Variants in GNAS-AS1 observed in about 807,000 individuals in gnomAD.
The protein encoded by GNAS-AS1 is GNAS antisense RNA 1, also known as GNAS antisense RNA 1 (non-protein coding).
intron 4 of GNAS-AS1, chr20:58,834,092 G>A (rs930185871): frequency 9.2e-5 from 14 of 152,160 alleles, no homozygotes; most frequent in African/African-American, 3.1e-4. Flanking sequence ...TCTCCCCTCC[G>A]GGCTCGAGGC....
chr20:58,830,402 GCCACAC>G (rs1568900254), intron 4 of GNAS-AS1, among the ~76,000 whole-genome samples: 5 of 17,812 alleles, frequency 2.8e-4, no homozygotes, highest in South Asian at 1.8e-3. Context: ...CACCATCACT[GCCACAC>G]CACCATCACC....
At chr20:58,824,412 AG>A (rs2085506582) in intron 4 of GNAS-AS1, among the ~76,000 whole-genome samples, 1 of 152,196 alleles carries the variant, frequency 6.6e-6, no homozygotes, top group African/African-American at 2.4e-5. Flanking sequence ...TAATTTGTAT[AG>A]AAAGAAGAAA....
Position 58,841,409 on chromosome 20 carries a change from T to C in GNAS-AS1, n.819+528A>G. 1.0e-6 allele frequency: 1 copy of C among 995,938 alleles called. No homozygotes were observed. The highest frequency in any genetic ancestry group is 1.2e-6 in the Non-Finnish European group (1 of 836,364). 61.7% of individuals were successfully genotyped at this position (995,938 alleles called of 1,614,324 possible). A position where few individuals can be genotyped will look rare whatever the true frequency, so the allele number is the denominator to read the frequency against. ...AATCTGAATGGGAATGGGCGAGAAC[T>C]CTAGAGACTGACCACCCGGGAGGGA... On this transcript the variant is annotated intron_variant and non_coding_transcript_variant, in intron 4 of 4. Coordinates refer to ENST00000424094, the Ensembl canonical transcript of GNAS-AS1. This position sits in a 1 kb window ranked among gnomAD's most constrained non-coding sequence, Gnocchi z 5.0.
intron 4 of GNAS-AS1, among the ~76,000 whole-genome samples, chr20:58,822,852 G>A (rs1006640569): frequency 3.3e-5 from 5 of 152,088 alleles, no homozygotes; most frequent in African/African-American, 1.2e-4. Flanking sequence ...TGCCACAACA[G>A]GGCCCTGAAC....
At chr20:58,842,441 G>A (rs940438789) in exon 3 of GNAS-AS1, 6 of 398,494 alleles carry the variant, frequency 1.5e-5, no homozygotes, top group Admixed American at 1.3e-4. Context: ...ACCTTAAATG[G>A]TCTTCCTTCC....
Position 58,841,553 on chromosome 20 carries a change from C to A in GNAS-AS1, n.819+384G>T, listed in dbSNP as rs2085728724. On this transcript the variant is annotated intron_variant and non_coding_transcript_variant, in intron 4 of 4. Coordinates refer to ENST00000424094, the Ensembl canonical transcript of GNAS-AS1. This position sits in a 1 kb window ranked among gnomAD's most constrained non-coding sequence, Gnocchi z 5.0. ...AGCTGCCGTGCGCCAGCCTTGGCCG[C>A]CACAGCCCGCCTCCCGTCGCTCGCG... is the stretch of plus-strand genomic sequence containing the variant. The A allele has an allele frequency of 1.0e-6, 1 of 997,398 alleles. No individual in the cohort carries two copies. The highest frequency in any genetic ancestry group is 1.2e-6 in the Non-Finnish European group (1 of 838,398). 61.8% of individuals were successfully genotyped at this position (997,398 alleles called of 1,614,324 possible).
chr20:58,841,690 A>C lies in GNAS-AS1; in HGVS notation n.819+247T>G. 8.4e-7 allele frequency: 1 copy of C among 1,195,386 alleles called. No individual in the cohort carries two copies. Among genetic ancestry groups the C allele is most frequent in the Non-Finnish European group, 1.0e-6 (1 of 964,740 alleles). The allele number at this position is 1,195,386 out of a possible 1,614,324, so 74.0% of individuals were successfully genotyped here. ...ACCTGGGGGAAAGGTAGAGGAGGTA[A>C]GGGGACCCTTGGGGATGCCCCTACG... On this transcript the variant is annotated intron_variant and non_coding_transcript_variant, in intron 4 of 4. Coordinates refer to ENST00000424094, the Ensembl canonical transcript of GNAS-AS1. This position sits in a 1 kb window ranked among gnomAD's most constrained non-coding sequence, Gnocchi z 5.0.
At chr20:58,842,254 A>G (rs2085766909) in intron 3 of GNAS-AS1, 2 of 398,298 alleles carry the variant, frequency 5.0e-6, no homozygotes, top group African/African-American at 2.1e-5. Flanking sequence ...GTCTTTAAAA[A>G]ATCTCATCCG....
At chr20:58,847,843 T>C (rs1314434303) in intron 2 of GNAS-AS1, among the ~76,000 whole-genome samples, 1 of 152,226 alleles carries the variant, frequency 6.6e-6, no homozygotes, top group Non-Finnish European at 1.5e-5. Flanking sequence ...ACTTGAGATA[T>C]GCCTTATGCT....
At position 58,829,813 on chromosome 20, in the gene GNAS-AS1, T is replaced by C. The variant is rs1337829793; in HGVS notation, n.820-10558A>G. 2.6e-5 allele frequency among the ~76,000 whole-genome samples: 4 copies of C among 152,298 alleles called. No individual in the cohort carries two copies. In the East Asian group the frequency reaches 7.7e-4, roughly 29 times the overall value. ...ACAAAAGAACATCTTTCTTTTCCAG[T>C]GCCCTTAGCTTAGGTTATAAGGAGA... On this transcript the variant is annotated intron_variant and non_coding_transcript_variant, in intron 4 of 4. Transcript: ENST00000424094.
intron 4 of GNAS-AS1, chr20:58,838,859 G>C: frequency 2.6e-6 from 1 of 386,340 alleles, no homozygotes; most frequent in Non-Finnish European, 4.5e-6. Flanking sequence ...AGAGGTTGCA[G>C]TGACCCAAGA....
intron 3 of GNAS-AS1, chr20:58,842,283 T>G (rs1485088528): frequency 2.5e-6 from 1 of 397,962 alleles, no homozygotes; most frequent in East Asian, 3.6e-5. Context: ...ATTGATTTTT[T>G]TTTTCCTGGT....
intron 4 of GNAS-AS1, among the ~76,000 whole-genome samples, chr20:58,821,158 TA>T (rs1183079587): frequency 6.6e-6 from 1 of 152,196 alleles, no homozygotes; most frequent in African/African-American, 2.4e-5. Flanking sequence ...CCTCCTCAGC[TA>T]CCCCAGCTCC....
intron 4 of GNAS-AS1, among the ~76,000 whole-genome samples, chr20:58,828,021 G>T (rs2085531924): frequency 6.6e-6 from 1 of 152,168 alleles, no homozygotes; most frequent in African/African-American, 2.4e-5. Context: ...CTTGAAAAAG[G>T]ATCTCGAGAA....
In GNAS-AS1 at chr20:58,840,637, C is replaced by G. The variant is rs756503903; in HGVS notation, n.819+1300G>C. 4 of 1,606,080 alleles carry G rather than the reference C, an allele frequency of 2.5e-6. No homozygotes were observed. Among genetic ancestry groups the G allele is most frequent in the Non-Finnish European group, 3.4e-6 (4 of 1,178,114 alleles). ...GAAGCCCCGACGCCTCCCCAAGTCGCGCGCCGCCCAGCACTCAGGAGCCCC... is the reference window on the plus strand; with the variant it reads ...GAAGCCCCGACGCCTCCCCAAGTCGGGCGCCGCCCAGCACTCAGGAGCCCC... On this transcript the variant is annotated intron_variant and non_coding_transcript_variant, in intron 4 of 4. Transcript: ENST00000424094. The surrounding 1 kb of genome is among the most constrained non-coding windows in gnomAD (Gnocchi z 6.0).
Position 58,841,964 on chromosome 20 carries a change from G to T in GNAS-AS1, n.792C>A. ...TTCGTTTCCAAAGAGCGCGGTACGC[G>T]CAGAGCTGGGGAAAGGTGTTGGATC... On this transcript the variant is annotated non_coding_transcript_exon_variant, in exon 4 of 5. Transcript: ENST00000424094. The surrounding 1 kb of genome is among the most constrained non-coding windows in gnomAD (Gnocchi z 5.0). 1.8e-6 allele frequency: 2 copies of T among 1,100,292 alleles called. No homozygotes were observed. The highest frequency in any genetic ancestry group is 2.3e-6 in the Non-Finnish European group (2 of 867,846). The allele number at this position is 1,100,292 out of a possible 1,614,324, so 68.2% of individuals were successfully genotyped here. A position where few individuals can be genotyped will look rare whatever the true frequency, so the allele number is the denominator to read the frequency against.
intron 4 of GNAS-AS1, among the ~76,000 whole-genome samples, chr20:58,828,986 C>G (rs1248747877): frequency 1.4e-5 from 2 of 146,214 alleles, no homozygotes; most frequent in African/African-American, 5.1e-5. Flanking sequence ...TGGCAGAGCT[C>G]CTGGCCCCAC....
intron 1 of GNAS-AS1, chr20:58,850,484 C>A: frequency 2.5e-6 from 1 of 398,234 alleles, no homozygotes; most frequent in South Asian, 1.3e-4. Context: ...CCCTTTGGAG[C>A]ACCCATGGCA....
intron 4 of GNAS-AS1, among the ~76,000 whole-genome samples, chr20:58,837,909 G>A (rs113410419): frequency 1.1e-3 from 166 of 152,342 alleles, no homozygotes; most frequent in African/African-American, 3.8e-3. Flanking sequence ...TGTTGAAGGT[G>A]TGAGGTTAAG....
Sources: allele counts gnomAD v4.1 joint callset (sites outside exome capture counted in the v4.1 genomes callset), GRCh38; gene constraint gnomAD v4.1.1; non-coding constraint Gnocchi (gnomAD v3.1); transcripts MANE v1.5; gene names NCBI Gene and HGNC (gene_info 2026-07-23, HGNC 2026-07-21).